ALG9: variants seen among roughly 807,000 people sequenced by gnomAD.
The protein encoded by ALG9 is ALG9 alpha-1,2-mannosyltransferase.
ALG9 carries 55 observed loss-of-function variants against 81.8 expected under a neutral mutation model. The ratio of observed to expected loss-of-function variants is 0.67; its 90% CI spans 0.54 to 0.84. The LOEUF (loss-of-function observed/expected upper bound fraction) is 0.84, where lower values mean the gene tolerates loss of function less well. Ranked by LOEUF, ALG9 falls within the 40% of genes least tolerant of loss-of-function variation. ALG9 has a pLI of 0.00. For missense variants in ALG9, 629 were observed against 745.0 expected, an observed-to-expected ratio of 0.84 and a Z score of 1.81; for synonymous variants, 278 against 274.3, an observed-to-expected ratio of 1.01 and a Z score of -0.13.
chr11:111,770,254 G>T, the ALG9 span, among the ~76,000 whole-genome samples: 1 of 152,124 alleles, frequency 6.6e-6, no homozygotes, highest in African/African-American at 2.4e-5. Context: ...TTAAGAATGG[G>T]GCCAGATGGT....
intron 1 of ALG9, 151 bp downstream of exon 1, chr11:111,871,201 G>C (rs1964187666): frequency 7.7e-7 from 1 of 1,302,936 alleles, no homozygotes; most frequent in East Asian, 3.2e-5. Flanking sequence ...CGCCCAGGAA[G>C]ACCAATAGGA....
chr11:111,817,313 A>T (rs1951640618), intron 13 of ALG9: 1 of 152,168 alleles, frequency 6.6e-6, no homozygotes, highest in South Asian at 2.1e-4. Context: ...TGAAGTAAGC[A>T]CTCTAGTTAC....
intron 14 of ALG9, among the ~76,000 whole-genome samples, chr11:111,798,421 A>C (rs1948619463): frequency 6.6e-6 from 1 of 152,138 alleles, no homozygotes. Flanking sequence ...ATTTCCCACC[A>C]GACTCCCACA....
intron 13 of ALG9, among the ~76,000 whole-genome samples, chr11:111,810,895 T>C (rs533178011): frequency 6.6e-6 from 1 of 152,334 alleles, no homozygotes; most frequent in African/African-American, 2.4e-5. Flanking sequence ...AGCTTTTCCT[T>C]TGGGATCCAG....
intron 13 of ALG9, among the ~76,000 whole-genome samples, chr11:111,830,745 A>C (rs1054268443): frequency 2.0e-5 from 3 of 152,246 alleles, no homozygotes; most frequent in Admixed American, 2.0e-4. Context: ...TGAGAGAGAA[A>C]GGAAGAAAAA....
chr11:111,816,752 G>T (rs1204244144), intron 13 of ALG9, among the ~76,000 whole-genome samples: 1 of 152,094 alleles, frequency 6.6e-6, no homozygotes, highest in African/African-American at 2.4e-5. Flanking sequence ...TAGAGACAAG[G>T]TTTCACTAAC....
At chr11:111,848,770 C>CA (rs1267388443) in intron 8 of ALG9, among the ~76,000 whole-genome samples, 1 of 152,048 alleles carries the variant, frequency 6.6e-6, no homozygotes, top group Non-Finnish European at 1.5e-5. Context: ...CTTTTTGCTT[C>CA]AGCAGTCCCT....
rs191169969 is a variant in ALG9, at chr11:111,804,901, G to C, written c.1733+4742C>G. On this transcript the variant is annotated intron_variant, in intron 14 of 14. Coordinates refer to ENST00000616540, the MANE Select transcript of ALG9 (RefSeq NM_024740.2). ...AGCCACTTTGGAAGACAATCTGGCA[G>C]CTTTTTGCAAAACTAAACAGACTCT... 1.9e-3 allele frequency among the ~76,000 whole-genome samples: 291 copies of C among 152,306 alleles called. 4 individuals carry two copies. The highest frequency in any genetic ancestry group is 6.4e-3 in the African/African-American group (267 of 41,562).
chr11:111,864,775 C>T (rs1592403493), intron 4 of ALG9, among the ~76,000 whole-genome samples: 1 of 151,800 alleles, frequency 6.6e-6, no homozygotes, highest in African/African-American at 2.4e-5. Context: ...GTGTTTTCTA[C>T]TTCTTTCTCT....
At chr11:111,801,093 T>C (rs540002734) in intron 14 of ALG9, among the ~76,000 whole-genome samples, 242 of 152,364 alleles carry the variant, frequency 1.6e-3, no homozygotes, top group African/African-American at 5.6e-3. Flanking sequence ...AAATGACCAT[T>C]ATATATGAAT....
intron 1 of ALG9, 184 bp downstream of exon 1, chr11:111,871,167 GT>G (rs1964180191): frequency 1.5e-6 from 2 of 1,292,732 alleles, no homozygotes; most frequent in Non-Finnish European, 1.9e-6. Context: ...GGGATCTAAG[GT>G]GGGCGAAGAC....
rs1285805599 is a variant in ALG9 at position 111,809,488 on chromosome 11, C to A, written c.1733+155G>T. On this transcript the variant is annotated intron_variant, in intron 14 of 14. Transcript: ENST00000616540. ...GAGGTTGTGGGGAGTTGAGATCACA[C>A]CAGCCTGGGCAACAGAGTGAGACTC... 3.5e-6 allele frequency: 3 copies of A among 863,688 alleles called. No homozygotes were observed. The East Asian group carries it at 8.4e-5, about 24-fold the overall frequency. 53.5% of individuals were successfully genotyped at this position (863,688 alleles called of 1,614,324 possible).
At chr11:111,866,439 C>T (rs1430447502) in intron 3 of ALG9, among the ~76,000 whole-genome samples, 1 of 152,056 alleles carries the variant, frequency 6.6e-6, no homozygotes, top group Non-Finnish European at 1.5e-5. Context: ...GTAGCTATCA[C>T]TAGATGTGCC....
chr11:111,836,761 C>T (rs1955362002), intron 12 of ALG9: 1 of 180,742 alleles, frequency 5.5e-6, no homozygotes, highest in African/African-American at 2.4e-5. Context: ...AAGGCAAAGG[C>T]TAAAGTCAAC....
chr11:111,859,281 A>G (rs1193590248), intron 5 of ALG9, among the ~76,000 whole-genome samples: 1 of 152,150 alleles, frequency 6.6e-6, no homozygotes, highest in African/African-American at 2.4e-5. Context: ...AGGCGGGTGG[A>G]TCACGTGGTC....
chr11:111,783,068 G>A lies in ALG9; in HGVS notation c.*3329C>T, dbSNP rs908699412. On this transcript the variant is annotated 3_prime_UTR_variant, in exon 15 of 15. Coordinates refer to ENST00000616540, the MANE Select transcript of ALG9 (RefSeq NM_024740.2). ...GGTACTCAGCATCACAAGATTTGGGGATTCAGATAAGGCTGCTTTAGAGCT... is the reference window on the plus strand; with the variant it reads ...GGTACTCAGCATCACAAGATTTGGGAATTCAGATAAGGCTGCTTTAGAGCT... The A allele has an allele frequency of 6.6e-6, 1 of 152,154 alleles. No homozygotes were observed. Among genetic ancestry groups the A allele is most frequent in the Admixed American group, 6.5e-5 (1 of 15,272 alleles). The allele number at this position is 152,154 out of a possible 1,614,324, so 9.4% of individuals were successfully genotyped here.
chr11:111,809,537 C>CACAT (rs1555088987), intron 14 of ALG9, 106 bp downstream of exon 14: 4 of 1,372,016 alleles, frequency 2.9e-6, no homozygotes, highest in Non-Finnish European at 4.1e-6. Flanking sequence ...CACACACACA[C>CACAT]ACGATGGCTA....
intron 6 of ALG9, among the ~76,000 whole-genome samples, chr11:111,857,074 T>G (rs1440881948): frequency 6.6e-6 from 1 of 152,070 alleles, no homozygotes; most frequent in Non-Finnish European, 1.5e-5. Flanking sequence ...GCCATTGCAC[T>G]CCAGCCTGGG....
intron 13 of ALG9, among the ~76,000 whole-genome samples, chr11:111,833,800 C>T (rs1160132626): frequency 1.3e-5 from 2 of 152,182 alleles, no homozygotes; most frequent in Non-Finnish European, 2.9e-5. Context: ...CATCACCTTT[C>T]GGGTAAAGCT....
Sources: gnomAD v4.1 joint callset for allele counts (sites outside exome capture counted in the v4.1 genomes callset) on GRCh38, gnomAD v4.1.1 for gene constraint, MANE v1.5 for transcripts, NCBI Gene and HGNC (gene_info 2026-07-23, HGNC 2026-07-21) for gene names.